LAMC1: variants seen among roughly 807,000 people sequenced by gnomAD.
The protein encoded by LAMC1 is laminin subunit gamma-1.
Under a neutral mutation model 173.6 loss-of-function variants are expected in LAMC1, and 38 were observed. The observed-to-expected ratio is 0.22, with a 90% CI of 0.17 to 0.29. The LOEUF (loss-of-function observed/expected upper bound fraction) is 0.29, where lower values mean the gene tolerates loss of function less well. Ranked by LOEUF, LAMC1 falls within the 10% of genes least tolerant of loss-of-function variation. The probability of loss-of-function intolerance (pLI) is 1.00; values close to 1 mark genes in which losing one functional copy is unlikely to be tolerated. For synonymous variants in LAMC1, 746 were observed against 749.1 expected (o/e 1.00, Z 0.07); for missense variants, 1,824 against 2,051.8 (o/e 0.89, Z 2.14).
intron 13 of LAMC1, among the ~76,000 whole-genome samples, chr1:183,123,430 A>G (rs980757449): frequency 2.6e-5 from 4 of 152,146 alleles, no homozygotes; most frequent in South Asian, 2.1e-4. Context: ...AAACCCTCCA[A>G]TAGCTTCTTG....
chr1:183,084,207 TGGCGG>T (rs1655363202), intron 1 of LAMC1, among the ~76,000 whole-genome samples: 2 of 152,134 alleles, frequency 1.3e-5, no homozygotes, highest in Non-Finnish European at 2.9e-5. Flanking sequence ...CTGGGCGCAG[TGGCGG>T]GCCGCCCGTA....
At chr1:183,112,688 C>T (rs934352473) in intron 4 of LAMC1, among the ~76,000 whole-genome samples, 1 of 152,002 alleles carries the variant, frequency 6.6e-6, no homozygotes, top group Non-Finnish European at 1.5e-5. Context: ...AACATCAGAT[C>T]TTCAGGTGGG....
At chr1:183,107,843 A>C (rs1160693150) in intron 2 of LAMC1, among the ~76,000 whole-genome samples, 1 of 152,062 alleles carries the variant, frequency 6.6e-6, no homozygotes, top group Non-Finnish European at 1.5e-5. Context: ...AAAAAAGAAA[A>C]AAAAGGACAG....
intron 5 of LAMC1, 61 bp from the exon 6 acceptor site, chr1:183,115,459 A>G (rs1346981097): frequency 5.8e-6 from 6 of 1,041,724 alleles, no homozygotes; most frequent in Non-Finnish European, 9.1e-6. Context: ...TCTTTAACAC[A>G]TTGATTTTAC....
intron 1 of LAMC1, among the ~76,000 whole-genome samples, chr1:183,072,809 C>T (rs1394748909): frequency 6.6e-6 from 1 of 152,202 alleles, no homozygotes; most frequent in African/African-American, 2.4e-5. Flanking sequence ...AGCATGAACC[C>T]TGTTGTGAAA....
chr1:183,113,172 A>C (rs1656211985), intron 4 of LAMC1, among the ~76,000 whole-genome samples: 1 of 152,082 alleles, frequency 6.6e-6, no homozygotes, highest in African/African-American at 2.4e-5. Context: ...AAATTAGCTG[A>C]GTATAGTGGC....
intron 1 of LAMC1, among the ~76,000 whole-genome samples, chr1:183,097,476 A>G (rs1655722733): frequency 6.6e-6 from 1 of 152,176 alleles, no homozygotes; most frequent in Admixed American, 6.5e-5. Flanking sequence ...AATTTTGTAA[A>G]ATTCTATATG....
intron 2 of LAMC1, among the ~76,000 whole-genome samples, chr1:183,104,432 C>T (rs1655914082): frequency 6.6e-6 from 1 of 152,214 alleles, no homozygotes; most frequent in African/African-American, 2.4e-5. Context: ...TCATGCTGTA[C>T]TCAGCACTTT....
chr1:183,071,896 G>T (rs1655020724), intron 1 of LAMC1, among the ~76,000 whole-genome samples: 1 of 152,190 alleles, frequency 6.6e-6, no homozygotes, highest in Admixed American at 6.5e-5. Context: ...TGACGAAAAT[G>T]TTGAGACCAG....
chr1:183,127,071 A>G (rs1656638901), intron 16 of LAMC1, among the ~76,000 whole-genome samples, 155 bp from the exon 17 acceptor site: 1 of 152,066 alleles, frequency 6.6e-6, no homozygotes, highest in Admixed American at 6.6e-5. Context: ...TGCTAAACAG[A>G]CTTAGCCATT....
At chr1:183,076,115 T>C (rs2102044851) in intron 1 of LAMC1, among the ~76,000 whole-genome samples, 2 of 152,346 alleles carry the variant, frequency 1.3e-5, no homozygotes, top group East Asian at 3.9e-4. Flanking sequence ...TTGCCAGATC[T>C]TATAGCAATG....
intron 4 of LAMC1, among the ~76,000 whole-genome samples, chr1:183,111,387 G>A (rs553843293): frequency 6.6e-6 from 1 of 151,844 alleles, no homozygotes; most frequent in Non-Finnish European, 1.5e-5. Flanking sequence ...GCGCCTGGCC[G>A]CACAAGATTT....
intron 1 of LAMC1, among the ~76,000 whole-genome samples, chr1:183,101,870 G>A (rs2102068336): frequency 6.6e-6 from 1 of 152,228 alleles, no homozygotes; most frequent in South Asian, 2.1e-4. Flanking sequence ...TCTAAGATCT[G>A]GGCCAGTTGA....
chr1:183,073,444 T>C (rs76364618), intron 1 of LAMC1, among the ~76,000 whole-genome samples: 58 of 152,330 alleles, frequency 3.8e-4, no homozygotes, highest in African/African-American at 1.4e-3. Context: ...TTCAAAGATA[T>C]GTGGTCTGAT....
chr1:183,106,305 C>T (rs1390625211), intron 2 of LAMC1, among the ~76,000 whole-genome samples: 2 of 152,230 alleles, frequency 1.3e-5, no homozygotes, highest in Non-Finnish European at 2.9e-5. Context: ...ATATGTTTAG[C>T]TATTTACATT....
chr1:183,108,608 G>C (rs769698457), intron 3 of LAMC1, among the ~76,000 whole-genome samples: 10 of 152,288 alleles, frequency 6.6e-5, no homozygotes, highest in African/African-American at 2.2e-4. Context: ...AGATCTTCTT[G>C]TTGTTCTGGA....
At chr1:183,042,243 T>C (rs754967777) in intron 1 of LAMC1, among the ~76,000 whole-genome samples, 4 of 152,218 alleles carry the variant, frequency 2.6e-5, no homozygotes, top group East Asian at 1.9e-4. Flanking sequence ...ATCATTCTTA[T>C]GTGCCTGGTT....
chr1:183,027,324 A>G (rs1211098677), intron 1 of LAMC1, among the ~76,000 whole-genome samples: 2 of 152,100 alleles, frequency 1.3e-5, no homozygotes, highest in Admixed American at 6.5e-5. Flanking sequence ...TTCACCTTCA[A>G]CTTCTGGATG....
intron 1 of LAMC1, among the ~76,000 whole-genome samples, chr1:183,088,799 G>A (rs761522980): frequency 6.6e-6 from 1 of 152,220 alleles, no homozygotes; most frequent in African/African-American, 2.4e-5. Flanking sequence ...CTTGGAAGGG[G>A]TGAAGACTAG....
Sources: allele counts gnomAD v4.1 joint callset (sites outside exome capture counted in the v4.1 genomes callset), GRCh38; gene constraint gnomAD v4.1.1; transcripts MANE v1.5; gene names NCBI Gene and HGNC (gene_info 2026-07-23, HGNC 2026-07-21).